PES1: variants seen among roughly 807,000 people sequenced by gnomAD.
The protein encoded by PES1 is pescadillo ribosomal biogenesis factor 1, also known as pescadillo homolog.
PES1 carries 31 observed loss-of-function variants against 77.1 expected under a neutral mutation model. That is an observed-to-expected ratio of 0.40 (90% CI 0.30 to 0.54). The LOEUF is 0.54. PES1 is among the 20% of genes least tolerant of loss of function. PES1 has a pLI of 0.45. For synonymous variants in PES1, 282 were observed against 303.0 expected (o/e 0.93, Z 0.72); for missense variants, 658 against 771.7 (o/e 0.85, Z 1.75).
chr22:30,599,348 G>A lies in PES1; in HGVS notation c.-661+6113C>T, dbSNP rs138676243. On this transcript the variant is annotated intron_variant, in intron 2 of 16. Transcript: ENST00000402281. ...CTGCTAGATACTTTAAGGGTGTTGG[G>A]GGTTTGGCATAAAGATTGTAAAACT... Among the ~76,000 whole-genome samples the A allele has an allele frequency of 4.7e-3, 715 of 152,180 alleles. 6 individuals carry two copies. The highest frequency in any genetic ancestry group is 0.025 in the South Asian group (120 of 4,816).
chr22:30,583,661 C>T (rs1016973967), intron 6 of PES1, among the ~76,000 whole-genome samples: 10 of 152,248 alleles, frequency 6.6e-5, no homozygotes, highest in East Asian at 3.8e-4. Flanking sequence ...CTGTGGCTCA[C>T]GCCTATAATC....
intron 6 of PES1, among the ~76,000 whole-genome samples, chr22:30,582,208 G>A (rs2086999042): frequency 6.6e-6 from 1 of 152,250 alleles, no homozygotes; most frequent in South Asian, 2.1e-4. Flanking sequence ...GCCAGGCCCA[G>A]CGGGGGCGGG....
intron 7 of PES1, 49 bp from the exon 8 acceptor site, chr22:30,581,457 C>T (rs193072193): frequency 1.4e-5 from 22 of 1,605,898 alleles, no homozygotes; most frequent in Admixed American, 3.3e-5. Context: ...CACAGCCCCT[C>T]GCCTCTGTGT....
At chr22:30,599,562 C>T (rs193220309) in intron 2 of PES1, among the ~76,000 whole-genome samples, 62 of 152,268 alleles carry the variant, frequency 4.1e-4, no homozygotes, top group African/African-American at 1.4e-3. Context: ...TTAATGATTA[C>T]CTTTGTCTAA....
In PES1 at chr22:30,584,586, T is replaced by G. The variant is rs1164924642; in HGVS notation, c.500A>C (p.Glu167Ala). 8 of 1,613,002 alleles carry G rather than the reference T, an allele frequency of 5.0e-6. No individual in the cohort carries two copies. The highest frequency in any genetic ancestry group is 6.8e-6 in the Non-Finnish European group (8 of 1,179,566). The change falls in exon 5 of 15, where the codon GAG (glutamate) becomes GCG (alanine). Residue 167 changes from glutamate (E) to alanine (A), a missense_variant. Physicochemically the swap from Glu to Ala is moderately radical, Grantham distance 107 (BLOSUM62 -1). Transcript: ENST00000354694. ...GGCAGCGATAATGTAGTGCATGAAC[T>G]CCACAGTGAGCCGGCGGCACAGCTG... ...TIQLCRRLTV[E>A]FMHYIIAARA...
rs559254947 is a variant in PES1, at chr22:30,590,418, T to A, written c.25-1148A>T. 2.0e-4 allele frequency among the ~76,000 whole-genome samples: 30 copies of A among 152,366 alleles called. No homozygotes were observed. In the South Asian group the frequency reaches 3.5e-3, roughly 18 times the overall value. ...CCTGTTAGTCTCCCACAGGTACGTT[T>A]ACTAATAACATCATAGTCATGAAAC... is the stretch of plus-strand genomic sequence containing the variant. On this transcript the variant is annotated intron_variant, in intron 1 of 14. Transcript: ENST00000354694.
intron 2 of PES1, among the ~76,000 whole-genome samples, chr22:30,598,154 C>G (rs1008297858): frequency 6.6e-6 from 1 of 152,176 alleles, no homozygotes; most frequent in East Asian, 1.9e-4. Context: ...ACTCTTACTG[C>G]TGCTCACTTT....
rs1364326056 is a variant in PES1, at chr22:30,579,010, A to AGG, written c.1522-14_1522-13dup. On this transcript the variant is annotated splice_polypyrimidine_tract_variant and intron_variant, in intron 13 of 14. Coordinates refer to ENST00000354694, the MANE Select transcript of PES1 (RefSeq NM_014303.4). Reference sequence around the variant, plus strand: ...ATCACCCTGGGCTTCTGGGGACACAAGGAGGGTGCTTATGGGGGCAGGTTC... The same window carrying AGG: ...ATCACCCTGGGCTTCTGGGGACACAAGGGGAGGGTGCTTATGGGGGCAGGTTC... 6.2e-7 allele frequency: 1 copy of AGG among 1,608,208 alleles called. No homozygotes were observed. The highest frequency in any genetic ancestry group is 8.5e-7 in the Non-Finnish European group (1 of 1,179,856).
intron 2 of PES1, among the ~76,000 whole-genome samples, chr22:30,597,028 G>A (rs187907794): frequency 0.013 from 1,909 of 152,322 alleles, 25 homozygotes; most frequent in Non-Finnish European, 0.018. Context: ...CGGAGAGTGC[G>A]CCAGGTTCCC....
At chr22:30,602,707 A>G (rs962074756) in intron 2 of PES1, among the ~76,000 whole-genome samples, 1 of 152,048 alleles carries the variant, frequency 6.6e-6, no homozygotes, top group Non-Finnish European at 1.5e-5. Context: ...TAGGTGTTGT[A>G]TCTAAAAAGG....
intron 2 of PES1, among the ~76,000 whole-genome samples, chr22:30,597,014 G>A (rs921030581): frequency 2.6e-4 from 39 of 152,204 alleles, no homozygotes; most frequent in Non-Finnish European, 2.4e-4. Flanking sequence ...CGGGCCAGCC[G>A]CTGCGGAGAG....
At chr22:30,585,890 G>A (rs1042965788) in intron 4 of PES1, among the ~76,000 whole-genome samples, 14 of 152,156 alleles carry the variant, frequency 9.2e-5, no homozygotes, top group African/African-American at 3.1e-4. Flanking sequence ...TGCAAGAAAG[G>A]CCTGCAGAGA....
upstream of PES1, among the ~76,000 whole-genome samples, chr22:30,595,299 G>A (rs1244841182): frequency 6.6e-6 from 1 of 152,020 alleles, no homozygotes; most frequent in African/African-American, 2.4e-5. Flanking sequence ...CAGCACTTTG[G>A]GAGGCCAAGG....
At chr22:30,577,186 G>T (rs1166131964) in intron 14 of PES1, 57 bp from the exon 15 acceptor site, 2 of 1,394,138 alleles carry the variant, frequency 1.4e-6, no homozygotes, top group South Asian at 1.2e-5. Flanking sequence ...AGGGTGGGGG[G>T]CACAGAACTC....
At chr22:30,599,805 C>G (rs980989439) in intron 2 of PES1, among the ~76,000 whole-genome samples, 3 of 152,004 alleles carry the variant, frequency 2.0e-5, no homozygotes, top group Non-Finnish European at 2.9e-5. Context: ...GAGGCTGAGG[C>G]GGGGGAATCG....
chr22:30,589,148 T>C, intron 2 of PES1, 43 bp downstream of exon 2: 10 of 1,462,912 alleles, frequency 6.8e-6, no homozygotes, highest in Non-Finnish European at 9.5e-6. Flanking sequence ...GTTTTCAATG[T>C]GCAATTCACT....
At chr22:30,594,926 A>C (rs906525327), upstream of PES1, among the ~76,000 whole-genome samples, 1 of 152,164 alleles carries the variant, frequency 6.6e-6, no homozygotes, top group African/African-American at 2.4e-5. Flanking sequence ...CAGGAGGTTG[A>C]GGCTGCAGTG....
At chr22:30,584,850 G>A in intron 4 of PES1, 133 bp from the exon 5 acceptor site, 1 of 858,354 alleles carries the variant, frequency 1.2e-6, no homozygotes, top group Non-Finnish European at 1.8e-6. Context: ...TGACCTGGCA[G>A]GAGCAGCTTC....
rs1280221828 is a variant in PES1 at position 30,576,797 on chromosome 22, G to A, written c.*249C>T. On this transcript the variant is annotated 3_prime_UTR_variant, in exon 15 of 15. Transcript: ENST00000354694. Reference sequence around the variant, plus strand: ...GTGGGCCTCTGCACCTCATGTCACTGGCTCCTGGGAGCAGAGAATCAGGCT... The same window carrying A: ...GTGGGCCTCTGCACCTCATGTCACTAGCTCCTGGGAGCAGAGAATCAGGCT... The A allele has an allele frequency of 1.8e-6, 1 of 553,804 alleles. No individual in the cohort carries two copies. Among genetic ancestry groups the A allele is most frequent in the African/African-American group, 1.9e-5 (1 of 52,730 alleles). 34.3% of individuals were successfully genotyped at this position (553,804 alleles called of 1,614,324 possible).
Sources: gnomAD v4.1 joint callset for allele counts (sites outside exome capture counted in the v4.1 genomes callset) on GRCh38, gnomAD v4.1.1 for gene constraint, MANE v1.5 for transcripts, NCBI Gene and HGNC (gene_info 2026-07-23, HGNC 2026-07-21) for gene names.